Variants in STK17B observed in about 807,000 individuals in gnomAD.
The protein encoded by STK17B is serine/threonine kinase 17b.
STK17B carries 21 observed loss-of-function variants against 42.0 expected under a neutral mutation model. That is an observed-to-expected ratio of 0.50 (90% CI 0.35 to 0.72). STK17B has a LOEUF of 0.72. Among genes scored for constraint, STK17B ranks in the 30% least tolerant of loss-of-function variants. The pLI is 0.00. For missense variants in STK17B, 349 were observed against 446.0 expected, an observed-to-expected ratio of 0.78 and a Z score of 1.96; for synonymous variants, 143 against 148.4, an observed-to-expected ratio of 0.96 and a Z score of 0.26.
chr2:196,153,614 C>T (rs900299809), intron 3 of STK17B: 10 of 152,176 alleles, frequency 6.6e-5, no homozygotes, highest in African/African-American at 1.9e-4. Flanking sequence ...AGAACCAGAA[C>T]TTCTCAGAGA....
At chr2:196,166,662 T>C (rs1484683271) in intron 1 of STK17B, among the ~76,000 whole-genome samples, 1 of 152,158 alleles carries the variant, frequency 6.6e-6, no homozygotes, top group Non-Finnish European at 1.5e-5. Context: ...ATTCTCATTA[T>C]AATAATTACC....
chr2:196,153,334 G>A (rs371685599), intron 3 of STK17B: 1 of 150,440 alleles, frequency 6.6e-6, no homozygotes, highest in Non-Finnish European at 1.5e-5. Flanking sequence ...TATTTTGTAC[G>A]TATTGTTGGA....
upstream of STK17B, among the ~76,000 whole-genome samples, chr2:196,176,031 C>T (rs555766160): frequency 4.6e-4 from 70 of 152,346 alleles, no homozygotes; most frequent in Admixed American, 9.1e-4. Flanking sequence ...AGCCTCTTCA[C>T]ATCAGACATA....
intron 3 of STK17B, among the ~76,000 whole-genome samples, chr2:196,155,066 G>C (rs1575180708): frequency 6.6e-6 from 1 of 152,152 alleles, no homozygotes; most frequent in Non-Finnish European, 1.5e-5. Context: ...ACCCCCAAAA[G>C]AGGATTTTAT....
intron 4 of STK17B, among the ~76,000 whole-genome samples, chr2:196,145,489 C>T (rs1462700095): frequency 1.3e-5 from 2 of 151,968 alleles, no homozygotes; most frequent in African/African-American, 4.8e-5. Flanking sequence ...CTGAAAACCT[C>T]AAGACAAAAA....
At chr2:196,173,025 C>G (rs1699966562), upstream of STK17B, among the ~76,000 whole-genome samples, 1 of 152,090 alleles carries the variant, frequency 6.6e-6, no homozygotes, top group South Asian at 2.1e-4. Context: ...TTTGGACCTC[C>G]TTAATTTCAA....
At chr2:196,159,924 A>C in intron 2 of STK17B, among the ~76,000 whole-genome samples, 1 of 152,296 alleles carries the variant, frequency 6.6e-6, no homozygotes, top group East Asian at 1.9e-4. Flanking sequence ...CAATAAAATT[A>C]TATATATGTG....
At chr2:196,153,720 A>T (rs906785870) in intron 3 of STK17B, 6 of 152,146 alleles carry the variant, frequency 3.9e-5, no homozygotes, top group Non-Finnish European at 7.4e-5. Flanking sequence ...CACCAATGAC[A>T]TTATATCAAA....
intron 1 of STK17B, chr2:196,171,020 C>G (rs937632206): frequency 6.6e-6 from 1 of 152,648 alleles, no homozygotes; most frequent in African/African-American, 2.4e-5. Flanking sequence ...CGGGGCCGGC[C>G]GGGTGGAGGG....
intron 1 of STK17B, among the ~76,000 whole-genome samples, chr2:196,164,672 T>A (rs1699855333): frequency 6.6e-6 from 1 of 152,188 alleles, no homozygotes; most frequent in African/African-American, 2.4e-5. Flanking sequence ...AAATGCCAAC[T>A]ATAGTCTACT....
At chr2:196,156,717 T>A in intron 2 of STK17B, 66 bp from the exon 3 acceptor site, 12 of 1,199,682 alleles carry the variant, frequency 1.0e-5, no homozygotes, top group South Asian at 1.4e-5. Context: ...ATATTACAGA[T>A]TCTGTTATAC....
intron 2 of STK17B, among the ~76,000 whole-genome samples, chr2:196,160,443 T>A (rs939659830): frequency 6.6e-6 from 1 of 152,222 alleles, no homozygotes; most frequent in East Asian, 1.9e-4. Flanking sequence ...AACTTTTACA[T>A]AATTTCCTTT....
chr2:196,156,275 T>C (rs1699736782), intron 3 of STK17B, 164 bp downstream of exon 3: 1 of 608,042 alleles, frequency 1.6e-6, no homozygotes, highest in Non-Finnish European at 2.8e-6. Context: ...CCCGAGGCTA[T>C]ACATTTAGTC....
intron 3 of STK17B, chr2:196,154,765 GACT>G (rs1038062334): frequency 6.6e-6 from 1 of 152,266 alleles, no homozygotes; most frequent in Non-Finnish European, 1.5e-5. Context: ...CTTCAACTGA[GACT>G]ACTAAATGTG....
At chr2:196,151,006 C>A (rs1055564873) in intron 3 of STK17B, among the ~76,000 whole-genome samples, 14 of 152,158 alleles carry the variant, frequency 9.2e-5, no homozygotes, top group Non-Finnish European at 1.8e-4. Context: ...AATGTTATTT[C>A]TCTGGTGATT....
intron 3 of STK17B, among the ~76,000 whole-genome samples, chr2:196,150,179 T>TAAAAAAAAAAAAAAAA (rs143244008): frequency 8.8e-6 from 1 of 113,488 alleles, no homozygotes; most frequent in African/African-American, 3.5e-5. Context: ...GAGCAGTGAC[T>TAAAAAAAAAAAAAAAA]AAAAAAAAAA....
chr2:196,146,476 C>A (rs552549231), intron 3 of STK17B, among the ~76,000 whole-genome samples: 2 of 151,978 alleles, frequency 1.3e-5, no homozygotes, highest in Non-Finnish European at 2.9e-5. Flanking sequence ...TGCATTCCAG[C>A]CTGAGCTACA....
chr2:196,145,124 T>C (rs1225822014), intron 4 of STK17B, among the ~76,000 whole-genome samples: 1 of 150,580 alleles, frequency 6.6e-6, no homozygotes, highest in Non-Finnish European at 1.5e-5. Context: ...TGGTAAATAC[T>C]GTCCCCCTGC....
chr2:196,146,395 T>C (rs1699575984), intron 3 of STK17B, among the ~76,000 whole-genome samples: 2 of 152,150 alleles, frequency 1.3e-5, no homozygotes, highest in Non-Finnish European at 2.9e-5. Flanking sequence ...TCTCAGCTAC[T>C]TGGGAAGCTG....
Sources: allele counts gnomAD v4.1 joint callset (sites outside exome capture counted in the v4.1 genomes callset), GRCh38; gene constraint gnomAD v4.1.1; transcripts MANE v1.5; gene names NCBI Gene and HGNC (gene_info 2026-07-23, HGNC 2026-07-21).